Variants in PPP1R9A observed in about 807,000 individuals in gnomAD.
PPP1R9A encodes the protein protein phosphatase 1 regulatory subunit 9A.
A neutral mutation model predicts 141.9 loss-of-function variants in PPP1R9A; 59 were observed. The observed-to-expected ratio is 0.42, with a 90% confidence interval of 0.34 to 0.52. The LOEUF is 0.52. Among genes scored for constraint, PPP1R9A ranks in the 20% least tolerant of loss-of-function variants. The pLI is 0.10. For missense variants in PPP1R9A, 1,444 were observed against 1,611.9 expected, an observed-to-expected ratio of 0.90 and a Z score of 1.78; for synonymous variants, 500 against 569.7, an observed-to-expected ratio of 0.88 and a Z score of 1.74.
intron 2 of PPP1R9A, among the ~76,000 whole-genome samples, chr7:94,959,716 C>A (rs1797412222): frequency 6.6e-6 from 1 of 151,528 alleles, no homozygotes; most frequent in African/African-American, 2.4e-5. Context: ...TAATTTTAAT[C>A]AGAACTACAA....
intron 8 of PPP1R9A, among the ~76,000 whole-genome samples, chr7:95,242,280 C>T (rs528340923): frequency 2.0e-5 from 3 of 152,150 alleles, no homozygotes; most frequent in Admixed American, 6.6e-5. Context: ...AGATCCCAAT[C>T]TAGAAAGCAC....
At chr7:95,240,146 A>C (rs1409700939) in intron 8 of PPP1R9A, among the ~76,000 whole-genome samples, 1 of 152,046 alleles carries the variant, frequency 6.6e-6, no homozygotes, top group African/African-American at 2.4e-5. Context: ...TGAGAATGAC[A>C]TTCTAATTCA....
intron 18 of PPP1R9A, 111 bp from the exon 19 acceptor site, chr7:95,288,425 T>C (rs971252728): frequency 7.0e-7 from 1 of 1,419,242 alleles, no homozygotes; most frequent in African/African-American, 1.4e-5. Flanking sequence ...TATCATATTT[T>C]GGTTTAAACA....
chr7:95,154,728 GAA>G (rs1194684544), intron 4 of PPP1R9A: 1 of 152,072 alleles, frequency 6.6e-6, no homozygotes, highest in African/African-American at 2.4e-5. Context: ...GCAACACAGA[GAA>G]AATTGTAGCT....
chr7:95,196,661 A>G lies in PPP1R9A; in HGVS notation c.1755-1688A>G, dbSNP rs555541907. 2.6e-5 allele frequency among the ~76,000 whole-genome samples: 4 copies of G among 152,338 alleles called. No homozygotes were observed. The East Asian group carries it at 7.7e-4, about 29-fold the overall frequency. On this transcript the variant is annotated intron_variant, in intron 5 of 19. Coordinates refer to ENST00000433360, the MANE Select transcript of PPP1R9A (RefSeq NM_001166160.2). ...ATAACTGATACTTACAGCAACATGG[A>G]TAAACCTCCAAATCATTGTGGTGAG...
chr7:95,225,824 C>A, intron 7 of PPP1R9A, 137 bp from the exon 8 acceptor site: 2 of 782,898 alleles, frequency 2.6e-6, no homozygotes, highest in Non-Finnish European at 3.9e-6. Flanking sequence ...CTGCATGAGG[C>A]ATGCTTGGCT....
At chr7:95,097,704 C>T (rs907511326) in intron 2 of PPP1R9A, among the ~76,000 whole-genome samples, 28 of 152,172 alleles carry the variant, frequency 1.8e-4, no homozygotes, top group Non-Finnish European at 5.9e-5. Flanking sequence ...TTTCTCAATG[C>T]TCTTCATGAC....
At chr7:95,152,623 C>T (rs1024403) in intron 4 of PPP1R9A, among the ~76,000 whole-genome samples, 91,472 of 151,910 alleles carry the variant, frequency 0.6, 28,202 homozygotes, top group African/African-American at 0.73. Flanking sequence ...AATTCTGTCC[C>T]TTTTCTTGAA....
intron 2 of PPP1R9A, among the ~76,000 whole-genome samples, chr7:95,057,235 C>G (rs1160316355): frequency 6.6e-6 from 1 of 151,946 alleles, no homozygotes; most frequent in Non-Finnish European, 1.5e-5. Context: ...ATCATTCAAC[C>G]ACAGCTGTTT....
chr7:95,043,109 C>G (rs1208000565), intron 2 of PPP1R9A, among the ~76,000 whole-genome samples: 1 of 152,164 alleles, frequency 6.6e-6, no homozygotes, highest in African/African-American at 2.4e-5. Flanking sequence ...TCTTTACCTT[C>G]TTTAAACCTA....
intron 2 of PPP1R9A, among the ~76,000 whole-genome samples, chr7:95,023,017 C>G (rs1239223409): frequency 1.3e-5 from 2 of 152,136 alleles, no homozygotes; most frequent in African/African-American, 4.8e-5. Context: ...AGAATTCCCT[C>G]TTTTTCTATC....
chr7:95,195,288 T>C (rs905605775), intron 5 of PPP1R9A, among the ~76,000 whole-genome samples: 5 of 151,688 alleles, frequency 3.3e-5, no homozygotes, highest in Non-Finnish European at 4.4e-5. Context: ...CAGTTTTTTT[T>C]TTTTTTTCTT....
In PPP1R9A at chr7:95,278,116, T is replaced by C. The variant is rs573517159; in HGVS notation, c.3296+3948T>C. On this transcript the variant is annotated intron_variant, in intron 16 of 19. Transcript: ENST00000433360. ...AGCTGGAATCCAAGGTAGTAGTCCT[T>C]ACTTTTCCATTAGGCAAGTCTCTGA... Among the ~76,000 whole-genome samples the C allele has an allele frequency of 2.0e-5, 3 of 152,346 alleles. No individual in the cohort carries two copies. The East Asian group carries it at 5.8e-4, about 29-fold the overall frequency.
chr7:95,121,449 CT>C (rs1344292500), intron 4 of PPP1R9A, among the ~76,000 whole-genome samples: 180 of 122,760 alleles, frequency 1.5e-3, no homozygotes, highest in African/African-American at 5.1e-3. Context: ...ATTTGTCTGT[CT>C]GTCTGTCTGT....
At chr7:95,059,095 G>A (rs1811876802) in intron 2 of PPP1R9A, among the ~76,000 whole-genome samples, 1 of 152,126 alleles carries the variant, frequency 6.6e-6, no homozygotes, top group Non-Finnish European at 1.5e-5. Flanking sequence ...CAGACTCAAA[G>A]TGGTAATTTT....
Position 94,940,728 on chromosome 7 carries a change from A to G in PPP1R9A, c.1395+29220A>G, listed in dbSNP as rs185306336. The stretch of plus-strand genomic sequence containing the variant: ...CTTGAAAGACCAGAATGCAAGATCA[A>G]AAAATCAAATATTATATATAATATT... On this transcript the variant is annotated intron_variant, in intron 2 of 19. Coordinates refer to ENST00000433360, the MANE Select transcript of PPP1R9A (RefSeq NM_001166160.2). Among the ~76,000 whole-genome samples, 1,251 of 152,122 alleles carry G rather than the reference A, an allele frequency of 8.2e-3. 14 individuals are homozygous for G. The highest frequency in any genetic ancestry group is 0.01 in the Middle Eastern group (3 of 292).
At chr7:95,266,613 T>C (rs1277926224) in intron 12 of PPP1R9A, among the ~76,000 whole-genome samples, 1 of 152,080 alleles carries the variant, frequency 6.6e-6, no homozygotes, top group African/African-American at 2.4e-5. Context: ...TTCTCTGAGC[T>C]TCAGGAGAGA....
At chr7:95,109,857 G>A (rs1820239198) in intron 2 of PPP1R9A, among the ~76,000 whole-genome samples, 1 of 150,758 alleles carries the variant, frequency 6.6e-6, no homozygotes, top group Non-Finnish European at 1.5e-5. Context: ...AAAAGAAGAA[G>A]AAAAGAAAAA....
At chr7:95,138,174 C>T (rs1275847198) in intron 4 of PPP1R9A, among the ~76,000 whole-genome samples, 8 of 151,982 alleles carry the variant, frequency 5.3e-5, no homozygotes, top group East Asian at 3.9e-4. Flanking sequence ...CCTCGTGATC[C>T]GCCCGCCTTG....
Sources: gnomAD v4.1 joint callset for allele counts (sites outside exome capture counted in the v4.1 genomes callset) on GRCh38, gnomAD v4.1.1 for gene constraint, MANE v1.5 for transcripts, NCBI Gene and HGNC (gene_info 2026-07-23, HGNC 2026-07-21) for gene names.